SMARCC1: variants seen among roughly 807,000 people sequenced by gnomAD.
SMARCC1 encodes SWI/SNF related BAF chromatin remodeling complex subunit C1.
A neutral mutation model predicts 147.4 loss-of-function variants in SMARCC1; 43 were observed. That is an observed-to-expected ratio of 0.29 (90% CI 0.23 to 0.38). SMARCC1 has a LOEUF of 0.38. Among genes scored for constraint, SMARCC1 ranks in the 10% least tolerant of loss-of-function variants. SMARCC1 has a pLI of 1.00. For synonymous variants in SMARCC1, 495 were observed against 484.4 expected, an observed-to-expected ratio of 1.02 and a Z score of -0.29; for missense variants, 1,119 against 1,381.1, an observed-to-expected ratio of 0.81 and a Z score of 3.01.
intron 13 of SMARCC1, among the ~76,000 whole-genome samples, chr3:47,687,830 T>C (rs2033744255): frequency 1.3e-5 from 2 of 152,334 alleles, no homozygotes; most frequent in East Asian, 1.9e-4. Context: ...TGGCAGGATT[T>C]TGGCTCACGC....
intron 5 of SMARCC1, among the ~76,000 whole-genome samples, chr3:47,735,724 A>G (rs1316634585): frequency 6.6e-6 from 1 of 152,136 alleles, no homozygotes; most frequent in African/African-American, 2.4e-5. Context: ...CCTACACTCT[A>G]GCCTGGGCGA....
chr3:47,777,364 T>TC (rs2034988128), intron 1 of SMARCC1, among the ~76,000 whole-genome samples: 1 of 151,772 alleles, frequency 6.6e-6, no homozygotes, highest in Non-Finnish European at 1.5e-5. Flanking sequence ...ATTACAGGCG[T>TC]GAGACACCAT....
At chr3:47,766,507 G>A (rs987302763) in intron 2 of SMARCC1, among the ~76,000 whole-genome samples, 4 of 151,898 alleles carry the variant, frequency 2.6e-5, no homozygotes, top group African/African-American at 7.3e-5. Context: ...AGTCATGGTC[G>A]AATATGCAGT....
At chr3:47,683,265 C>A (rs1453944673) in intron 14 of SMARCC1, among the ~76,000 whole-genome samples, 2 of 151,838 alleles carry the variant, frequency 1.3e-5, no homozygotes, top group Admixed American at 6.6e-5. Context: ...CCAGGATGGT[C>A]TCAATCTCCT....
chr3:47,635,420 T>C, intron 23 of SMARCC1, 76 bp from the exon 24 acceptor site: 2 of 1,250,314 alleles, frequency 1.6e-6, no homozygotes, highest in Non-Finnish European at 2.3e-6. Flanking sequence ...TCCACCACTA[T>C]AACAAACTAG....
intron 26 of SMARCC1, among the ~76,000 whole-genome samples, chr3:47,600,998 T>C (rs1405028435): frequency 1.2e-5 from 1 of 85,194 alleles, no homozygotes; most frequent in Admixed American, 1.2e-4. Context: ...AGGAAGAAAA[T>C]GAGAGAGAGA....
At chr3:47,698,441 A>G (rs1246075701) in intron 11 of SMARCC1, among the ~76,000 whole-genome samples, 1 of 152,132 alleles carries the variant, frequency 6.6e-6, no homozygotes, top group Non-Finnish European at 1.5e-5. Flanking sequence ...GTGGAGGTAT[A>G]ATATAATTGG....
chr3:47,674,369 G>A (rs2033542309), intron 18 of SMARCC1, among the ~76,000 whole-genome samples: 2 of 152,094 alleles, frequency 1.3e-5, no homozygotes, highest in African/African-American at 2.4e-5. Context: ...GCCTACAAAC[G>A]TCTTTATTTC....
chr3:47,778,477 GT>G (rs1169387285), intron 1 of SMARCC1, among the ~76,000 whole-genome samples: 1 of 151,682 alleles, frequency 6.6e-6, no homozygotes, highest in Non-Finnish European at 1.5e-5. Context: ...CACAACTGAT[GT>G]ATTTTTTTGT....
At position 47,587,392 on chromosome 3, in the gene SMARCC1, A is replaced by C. The variant is rs1229165596; in HGVS notation, c.*817T>G. 1.3e-5 allele frequency: 2 copies of C among 152,214 alleles called. No homozygotes were observed. The highest frequency in any genetic ancestry group is 4.8e-5 in the African/African-American group (2 of 41,442). The allele number at this position is 152,214 out of a possible 1,614,324, so 9.4% of individuals were successfully genotyped here. A position where few individuals can be genotyped will look rare whatever the true frequency, so the allele number is the denominator to read the frequency against. ...TGCCTCCCAATATTCCAACCCTCAA[A>C]GCTCACACTGCCCCCAGAAAAACAA... On this transcript the variant is annotated 3_prime_UTR_variant, in exon 28 of 28. Transcript: ENST00000254480.
At chr3:47,731,498 A>T (rs2034374143) in intron 5 of SMARCC1, among the ~76,000 whole-genome samples, 1 of 152,198 alleles carries the variant, frequency 6.6e-6, no homozygotes, top group African/African-American at 2.4e-5. Context: ...AATCTGTTCC[A>T]GAAGATTTTC....
At position 47,644,315 on chromosome 3, in the gene SMARCC1, T is replaced by C. The variant is rs544991403; in HGVS notation, c.2321-5535A>G. On this transcript the variant is annotated intron_variant, in intron 21 of 27. Coordinates refer to ENST00000254480, the MANE Select transcript of SMARCC1 (RefSeq NM_003074.4). ...GGTCAATACAGTAAAAGCCCACCTC[T>C]ACACAGAAAAAAATTAAAATGAAAA... Among the ~76,000 whole-genome samples, 13 of 152,116 alleles carry C rather than the reference T, an allele frequency of 8.5e-5. No individual in the cohort carries two copies. The South Asian group carries it at 2.7e-3, about 32-fold the overall frequency.
chr3:47,638,650 C>G, intron 22 of SMARCC1, 75 bp downstream of exon 22: 2 of 1,110,922 alleles, frequency 1.8e-6, no homozygotes, highest in South Asian at 2.5e-5. Context: ...AAGAGGGACT[C>G]AAAAACACCC....
chr3:47,780,709 G>C (rs1321924297), intron 1 of SMARCC1, among the ~76,000 whole-genome samples: 1 of 152,136 alleles, frequency 6.6e-6, no homozygotes, highest in Non-Finnish European at 1.5e-5. Flanking sequence ...CTCAATAGGA[G>C]AAAGTACAGA....
rs181765782 is a variant in SMARCC1, at chr3:47,769,451, T to C, written c.315+3366A>G. On this transcript the variant is annotated intron_variant, in intron 2 of 27. Transcript: ENST00000254480. ...ACCTTGTTAGCCAGGATGGTCTCGATCTCCTGACCTCGTGATCCGCCCTCC... is the reference window on the plus strand; with the variant it reads ...ACCTTGTTAGCCAGGATGGTCTCGACCTCCTGACCTCGTGATCCGCCCTCC... Among the ~76,000 whole-genome samples, 595 of 151,748 alleles carry C rather than the reference T, an allele frequency of 3.9e-3. 5 individuals are homozygous for C. The highest frequency in any genetic ancestry group is 0.013 in the African/African-American group (540 of 41,426).
At chr3:47,618,201 A>G (rs2032673728) in intron 25 of SMARCC1, among the ~76,000 whole-genome samples, 1 of 152,282 alleles carries the variant, frequency 6.6e-6, no homozygotes, top group South Asian at 2.1e-4. Flanking sequence ...TATTCAGAAA[A>G]TATTTATGAA....
At chr3:47,643,043 C>T (rs578082313) in intron 21 of SMARCC1, among the ~76,000 whole-genome samples, 1 of 152,286 alleles carries the variant, frequency 6.6e-6, no homozygotes, top group South Asian at 2.1e-4. Flanking sequence ...GAGACCCTGT[C>T]TGAAAGCAAG....
intron 14 of SMARCC1, among the ~76,000 whole-genome samples, chr3:47,683,347 AT>A (rs1044167330): frequency 6.6e-6 from 1 of 151,758 alleles, no homozygotes; most frequent in Non-Finnish European, 1.5e-5. Context: ...CGCCCGGCCT[AT>A]TCAGTTGGTT....
chr3:47,723,137 G>T (rs2034252742), intron 6 of SMARCC1, among the ~76,000 whole-genome samples: 1 of 152,072 alleles, frequency 6.6e-6, no homozygotes, highest in African/African-American at 2.4e-5. Flanking sequence ...TGTGCTCCTA[G>T]GCAAGTTATT....
Sources: allele counts gnomAD v4.1 joint callset (sites outside exome capture counted in the v4.1 genomes callset), GRCh38; gene constraint gnomAD v4.1.1; transcripts MANE v1.5; gene names NCBI Gene and HGNC (gene_info 2026-07-23, HGNC 2026-07-21).